The following SLC9A3 variants were observed in gnomAD, a reference collection of about 807,000 sequenced individuals.
SLC9A3 encodes the protein sodium/hydrogen exchanger 3.
In SLC9A3, 37 loss-of-function variants were observed where a neutral mutation model predicts 86.8. The observed-to-expected ratio is 0.43, with a 90% CI of 0.33 to 0.56. The LOEUF is 0.56. SLC9A3 is among the 20% of genes least tolerant of loss of function. The probability of loss-of-function intolerance (pLI) is 0.06; values close to 1 mark genes in which losing one functional copy is unlikely to be tolerated. For synonymous variants in SLC9A3, 581 were observed against 528.3 expected (o/e 1.10, Z -1.37); for missense variants, 1,011 against 1,171.9 (o/e 0.86, Z 2.00).
chr5:488,007 A>T (rs1390490628), intron 3 of SLC9A3, among the ~76,000 whole-genome samples: 1 of 152,222 alleles, frequency 6.6e-6, no homozygotes, highest in Admixed American at 6.5e-5. Flanking sequence ...GGGTGGCAGT[A>T]ACTGTGGGTC....
At chr5:504,401 C>T (rs1222842721) in intron 1 of SLC9A3, among the ~76,000 whole-genome samples, 3 of 152,208 alleles carry the variant, frequency 2.0e-5, no homozygotes, top group Non-Finnish European at 4.4e-5. Context: ...GGGCGGTGGA[C>T]ATGCAGGGTC....
At chr5:506,706 TG>T (rs969030718) in intron 1 of SLC9A3, among the ~76,000 whole-genome samples, 1 of 151,928 alleles carries the variant, frequency 6.6e-6, no homozygotes, top group Non-Finnish European at 1.5e-5. Flanking sequence ...TCAGAGAGAG[TG>T]GGTTGACTTT....
rs369798965 is a variant in SLC9A3, at chr5:477,315, T to A, written c.1760+17A>T. 27 of 1,549,980 alleles carry A rather than the reference T, an allele frequency of 1.7e-5. No homozygotes were observed. Among genetic ancestry groups the A allele is most frequent in the Middle Eastern group, 1.7e-4 (1 of 5,894 alleles). ...TGGGCTCTTCCCCAGGGAAGCTGCA[T>A]GACCATGGCCACATACAGGAGGTAG... On this transcript the variant is annotated intron_variant, in intron 11 of 16. Coordinates refer to ENST00000264938, the MANE Select transcript of SLC9A3 (RefSeq NM_004174.4).
At chr5:486,475 C>T (rs1296908154) in intron 3 of SLC9A3, among the ~76,000 whole-genome samples, 1 of 152,232 alleles carries the variant, frequency 6.6e-6, no homozygotes, top group Non-Finnish European at 1.5e-5. Flanking sequence ...CCTGGCCTTA[C>T]TGAGCGCTGA....
At chr5:480,813 A>G (rs973625123) in intron 9 of SLC9A3, 7 of 152,274 alleles carry the variant, frequency 4.6e-5, no homozygotes, top group African/African-American at 9.6e-5. Context: ...GGCAAATTGT[A>G]TGTGCTCCTT....
At chr5:493,085 G>A (rs940192891) in intron 1 of SLC9A3, among the ~76,000 whole-genome samples, 1 of 151,818 alleles carries the variant, frequency 6.6e-6, no homozygotes. Flanking sequence ...AACCTATCTG[G>A]GCCATGTCTC....
At chr5:482,213 C>T (rs1018846783) in intron 7 of SLC9A3, 56 bp from the exon 8 acceptor site, 8 of 1,374,828 alleles carry the variant, frequency 5.8e-6, no homozygotes, top group African/African-American at 4.3e-5. Context: ...ATCCCGCTGG[C>T]CCGGCCAGGT....
chr5:512,867 C>T (rs556509088), intron 1 of SLC9A3, among the ~76,000 whole-genome samples: 1 of 152,238 alleles, frequency 6.6e-6, no homozygotes, highest in South Asian at 2.1e-4. Flanking sequence ...TGCAGAGGCC[C>T]AGCAGCCAGT....
chr5:482,989 C>T (rs559086099), intron 6 of SLC9A3, among the ~76,000 whole-genome samples: 301 of 150,304 alleles, frequency 2.0e-3, no homozygotes, highest in African/African-American at 6.9e-3. Context: ...TGGGGCTGGG[C>T]GGGGGCGGGG....
chr5:511,994 A>G (rs1225357040), intron 1 of SLC9A3, among the ~76,000 whole-genome samples: 1 of 152,258 alleles, frequency 6.6e-6, no homozygotes, highest in African/African-American at 2.4e-5. Flanking sequence ...GACTAAGTGA[A>G]AGAAGCCGCT....
At chr5:486,773 C>T (rs924302662) in intron 3 of SLC9A3, among the ~76,000 whole-genome samples, 2 of 152,206 alleles carry the variant, frequency 1.3e-5, no homozygotes, top group African/African-American at 4.8e-5. Flanking sequence ...GGCACATTCA[C>T]GCAGGGACGG....
At chr5:483,987 G>C (rs572345676) in intron 5 of SLC9A3, among the ~76,000 whole-genome samples, 1 of 152,256 alleles carries the variant, frequency 6.6e-6, no homozygotes, top group African/African-American at 2.4e-5. Flanking sequence ...GGGGGTTCAC[G>C]GGGAACTTGG....
At chr5:514,981 G>A (rs72704765) in intron 1 of SLC9A3, among the ~76,000 whole-genome samples, 11,363 of 152,158 alleles carry the variant, frequency 0.075, 458 homozygotes, top group Non-Finnish European at 0.087. Context: ...AGGGGGTCCC[G>A]GCTGGGATGG....
intron 1 of SLC9A3, among the ~76,000 whole-genome samples, chr5:507,719 G>A (rs1740670949): frequency 7.9e-6 from 1 of 126,668 alleles, no homozygotes; most frequent in Admixed American, 8.1e-5. Flanking sequence ...CCACCCCGCA[G>A]ACGCCCGAAT....
At chr5:473,455 C>T (rs968228942) in intron 16 of SLC9A3, 73 bp from the exon 17 acceptor site, 5 of 1,248,992 alleles carry the variant, frequency 4.0e-6, no homozygotes, top group African/African-American at 3.1e-5. Flanking sequence ...CCGGGGGCCT[C>T]AGCTGTCCCC....
chr5:511,781 C>T (rs971112924), intron 1 of SLC9A3, among the ~76,000 whole-genome samples: 5 of 152,142 alleles, frequency 3.3e-5, no homozygotes, highest in Admixed American at 6.5e-5. Flanking sequence ...CGGTCAGGCC[C>T]GCAGGAGTTG....
chr5:515,757 A>T (rs1247001267), intron 1 of SLC9A3, among the ~76,000 whole-genome samples: 6 of 99,240 alleles, frequency 6.0e-5, no homozygotes, highest in East Asian at 3.0e-4. Context: ...CCTGCCCCTC[A>T]CACACACACA....
In SLC9A3 at chr5:482,670, C is replaced by T. The variant is rs144055277; in HGVS notation, c.1234G>A (p.Gly412Arg). 1.4e-5 allele frequency: 22 copies of T among 1,612,434 alleles called. No homozygotes were observed. Among genetic ancestry groups the T allele is most frequent in the South Asian group, 2.2e-5 (2 of 91,072 alleles). The change falls in exon 7 of 17, where the codon GGG (glycine) becomes AGG (arginine). Residue 412 changes from glycine to arginine, a missense_variant. This residue lies in a region of SLC9A3 where 565 missense variants were observed against 790.0 expected (regional missense o/e 0.72). Transcript: ENST00000264938. ...EPIDQVVLSY[G>R]GLRGAVAFAL... ...AAGGCCACGGCCCCGCGCAGGCCCCCGTAGGACAGGACCACCTGGTCAATG... is the reference window on the plus strand; with the variant it reads ...AAGGCCACGGCCCCGCGCAGGCCCCTGTAGGACAGGACCACCTGGTCAATG...
chr5:472,811 G>A lies in SLC9A3; in HGVS notation c.*568C>T, dbSNP rs1193119958. Reference sequence around the variant, plus strand: ...GGGAGGTCCCTGAGTCGGTCCCCGAGTCAGTCCCCGGGCGCGGGGCTCGGT... The same window carrying A: ...GGGAGGTCCCTGAGTCGGTCCCCGAATCAGTCCCCGGGCGCGGGGCTCGGT... On this transcript the variant is annotated 3_prime_UTR_variant, in exon 17 of 17. Coordinates refer to ENST00000264938, the MANE Select transcript of SLC9A3 (RefSeq NM_004174.4). The A allele has an allele frequency of 3.5e-6, 2 of 566,008 alleles. No individual in the cohort carries two copies. The highest frequency in any genetic ancestry group is 3.9e-5 in the African/African-American group (2 of 51,300). 35.1% of individuals were successfully genotyped at this position (566,008 alleles called of 1,614,324 possible).
Sources: allele counts gnomAD v4.1 joint callset (sites outside exome capture counted in the v4.1 genomes callset), GRCh38; gene constraint gnomAD v4.1.1; regional missense constraint gnomAD v4.1.1; transcripts MANE v1.5; gene names NCBI Gene and HGNC (gene_info 2026-07-23, HGNC 2026-07-21).